Variants in MCUB observed in about 807,000 individuals in gnomAD.
MCUB encodes the protein calcium uniporter regulatory subunit MCUb, mitochondrial.
Under a neutral mutation model 41.4 loss-of-function variants are expected in MCUB, and 46 were observed. The observed-to-expected ratio is 1.11, with a 90% confidence interval of 0.88 to 1.42. MCUB has a LOEUF of 1.42. Among genes scored for constraint, MCUB ranks in the 40% most tolerant of loss-of-function variants. The probability of loss-of-function intolerance (pLI) is 0.00; values close to 1 mark genes in which losing one functional copy is unlikely to be tolerated. For synonymous variants in MCUB, 148 were observed against 148.2 expected, an observed-to-expected ratio of 1.00 and a Z score of 0.01; for missense variants, 403 against 404.9, an observed-to-expected ratio of 1.00 and a Z score of 0.04.
rs1729881416 is a variant in MCUB at position 109,687,643 on chromosome 4, A to G, written c.*51A>G. The G allele has an allele frequency of 8.2e-7, 1 of 1,214,054 alleles. No individual in the cohort carries two copies. The highest frequency in any genetic ancestry group is 1.2e-6 in the Non-Finnish European group (1 of 827,914). 75.2% of individuals were successfully genotyped at this position (1,214,054 alleles called of 1,614,324 possible). On this transcript the variant is annotated 3_prime_UTR_variant, in exon 8 of 8. Transcript: ENST00000394650. ...TTTTCCATTATGTATTGATTTTGCAACTTAGGATGTTTTTGAGTCCCATGG... is the reference window on the plus strand; with the variant it reads ...TTTTCCATTATGTATTGATTTTGCAGCTTAGGATGTTTTTGAGTCCCATGG...
rs1729906457 is a variant in MCUB at position 109,688,429 on chromosome 4, TATG to T, written c.*838_*840del. The T allele has an allele frequency of 1.3e-5, 2 of 152,208 alleles. No individual in the cohort carries two copies. Among genetic ancestry groups the T allele is most frequent in the African/African-American group, 4.8e-5 (2 of 41,460 alleles). 9.4% of individuals were successfully genotyped at this position (152,208 alleles called of 1,614,324 possible). On this transcript the variant is annotated 3_prime_UTR_variant, in exon 8 of 8. Coordinates refer to ENST00000394650, the MANE Select transcript of MCUB (RefSeq NM_017918.5). ...TGTTCAACCTATAGTGGCTAAGAAT[TATG>T]TTTTCTATTTCATCCTCAGAATGCC... is the stretch of plus-strand genomic sequence containing the variant.
rs190320311 is a variant in MCUB at position 109,573,147 on chromosome 4, A to G, written c.99+12711A>G. Among the ~76,000 whole-genome samples the G allele has an allele frequency of 2.4e-3, 366 of 152,240 alleles. 1 individual carries two copies. The highest frequency in any genetic ancestry group is 8.2e-3 in the African/African-American group (342 of 41,546). Reference sequence around the variant, plus strand: ...TGCACTTAGTAAGCACATATTAACCATTGCTTTAAGAATATTAGGAACAGA... The same window carrying G: ...TGCACTTAGTAAGCACATATTAACCGTTGCTTTAAGAATATTAGGAACAGA... On this transcript the variant is annotated intron_variant, in intron 1 of 7. Transcript: ENST00000394650.
At chr4:109,597,857 A>G (rs932922466) in intron 1 of MCUB, among the ~76,000 whole-genome samples, 1 of 149,994 alleles carries the variant, frequency 6.7e-6, no homozygotes, top group African/African-American at 2.5e-5. Context: ...TGCCAGGCAG[A>G]GGATCTCCTC....
At chr4:109,683,426 T>A (rs1417841187) in intron 5 of MCUB, among the ~76,000 whole-genome samples, 5 of 152,198 alleles carry the variant, frequency 3.3e-5, no homozygotes, top group Admixed American at 1.3e-4. Context: ...TGGTTTTTTT[T>A]ATCGTTTACC....
chr4:109,594,046 GT>G (rs1727498567), intron 1 of MCUB, among the ~76,000 whole-genome samples: 1 of 152,204 alleles, frequency 6.6e-6, no homozygotes, highest in Non-Finnish European at 1.5e-5. Flanking sequence ...GGGTTACTCA[GT>G]CTCACTAGAG....
At chr4:109,678,532 C>T (rs187732799) in intron 4 of MCUB, among the ~76,000 whole-genome samples, 1,479 of 141,694 alleles carry the variant, frequency 0.01, 28 homozygotes, top group African/African-American at 0.037. Flanking sequence ...CGGGCAGAGG[C>T]GCTCCTCACA....
chr4:109,640,603 C>G (rs1312433429), intron 1 of MCUB, among the ~76,000 whole-genome samples: 1 of 152,184 alleles, frequency 6.6e-6, no homozygotes, highest in African/African-American at 2.4e-5. Flanking sequence ...ATATACCAAC[C>G]TCTACTAGCT....
intron 4 of MCUB, among the ~76,000 whole-genome samples, chr4:109,672,322 TTCTCTGA>T (rs1729475602): frequency 6.6e-6 from 1 of 152,182 alleles, no homozygotes; most frequent in Non-Finnish European, 1.5e-5. Flanking sequence ...GAGAGTATTT[TTCTCTGA>T]TCTCTGATCT....
intron 1 of MCUB, among the ~76,000 whole-genome samples, chr4:109,623,042 T>C (rs188800294): frequency 1.7e-4 from 26 of 152,274 alleles, no homozygotes; most frequent in Middle Eastern, 3.4e-3. Flanking sequence ...AGGAAGGCAA[T>C]TACTCTTGAG....
Position 109,684,535 on chromosome 4 carries a change from G to A in MCUB, c.705G>A (p.Leu235=). 6.2e-7 allele frequency: 1 copy of A among 1,613,372 alleles called. No homozygotes were observed. The highest frequency in any genetic ancestry group is 8.5e-7 in the Non-Finnish European group (1 of 1,179,336). The change falls in exon 6 of 8, where the codon CTG becomes CTA. Residue 235 remains leucine, a synonymous_variant. Coordinates refer to ENST00000394650, the MANE Select transcript of MCUB (RefSeq NM_017918.5). ...TGCTGTCCATTCAGGGTGGGGCACT[G>A]GCCTGGCTCACGTGGTGGGTGTACT... ...LALLSIQGGA[L]AWLTWWVYSW...
Position 109,660,245 on chromosome 4 carries a change from C to T in MCUB, c.226C>T (p.Pro76Ser). ...HGLPLVTLTL[P>S]SRKERCQFVV... is the part of the protein sequence containing the mutation. ...CCTTCCCTTGGTAACACTTACCTTG[C>T]CATCTAGAAAAGAACGTTGTCAATT... Residue 76 changes from proline to serine, a missense_variant, in exon 3 of 8, where the codon CCA becomes TCA. Transcript: ENST00000394650. 1 of 1,599,932 alleles carries T rather than the reference C, an allele frequency of 6.3e-7. No individual in the cohort carries two copies.
At position 109,640,670 on chromosome 4, in the gene MCUB, A is replaced by G. The variant is rs180895819; in HGVS notation, c.100-18341A>G. ...TCTCAGACTTTACAGAATTGAAGAG[A>G]GTTAGACCTTGCTCTGGCTTAGGCT... On this transcript the variant is annotated intron_variant, in intron 1 of 7. Coordinates refer to ENST00000394650, the MANE Select transcript of MCUB (RefSeq NM_017918.5). Among the ~76,000 whole-genome samples, 5 of 152,288 alleles carry G rather than the reference A, an allele frequency of 3.3e-5. No homozygotes were observed. In the East Asian group the frequency reaches 9.7e-4, roughly 29 times the overall value.
In MCUB at chr4:109,560,253, G is replaced by C; in HGVS notation, c.-85G>C. On this transcript the variant is annotated 5_prime_UTR_variant, in exon 1 of 8. Coordinates refer to ENST00000394650, the MANE Select transcript of MCUB (RefSeq NM_017918.5). ...GGCGGGGCGGGAGCGCCCACAGCTC[G>C]GAGCCACCAGGCGCTGACGAGGAGC... 1.5e-6 allele frequency: 1 copy of C among 655,962 alleles called. No individual in the cohort carries two copies. Among genetic ancestry groups the C allele is most frequent in the South Asian group, 7.4e-5 (1 of 13,486 alleles). The allele number at this position is 655,962 out of a possible 1,614,324, so 40.6% of individuals were successfully genotyped here.
chr4:109,587,921 T>C (rs1000208221), intron 1 of MCUB, among the ~76,000 whole-genome samples: 3 of 152,248 alleles, frequency 2.0e-5, no homozygotes, highest in African/African-American at 4.8e-5. Flanking sequence ...GAAAACTTGA[T>C]AGCTATTTCA....
intron 1 of MCUB, among the ~76,000 whole-genome samples, chr4:109,612,254 C>A (rs1004982823): frequency 6.9e-6 from 1 of 143,894 alleles, no homozygotes; most frequent in Non-Finnish European, 1.5e-5. Context: ...TCTTCCTCCT[C>A]CTCCTTTTCT....
intron 4 of MCUB, among the ~76,000 whole-genome samples, chr4:109,681,159 G>A (rs2126151599): frequency 6.6e-6 from 1 of 152,286 alleles, no homozygotes; most frequent in East Asian, 1.9e-4. Flanking sequence ...TAGACACATG[G>A]GAGGTATCCA....
intron 1 of MCUB, among the ~76,000 whole-genome samples, chr4:109,601,994 C>T (rs1160534696): frequency 6.6e-6 from 1 of 152,114 alleles, no homozygotes; most frequent in Admixed American, 6.5e-5. Flanking sequence ...TGTTGATGGA[C>T]ATTTGCCATT....
At chr4:109,628,827 A>T (rs1291483766) in intron 1 of MCUB, among the ~76,000 whole-genome samples, 1 of 152,212 alleles carries the variant, frequency 6.6e-6, no homozygotes, top group Non-Finnish European at 1.5e-5. Flanking sequence ...GGCCCTGCAG[A>T]TAGAGCCAGG....
At chr4:109,579,255 C>T (rs1222966353) in intron 1 of MCUB, among the ~76,000 whole-genome samples, 4 of 147,330 alleles carry the variant, frequency 2.7e-5, no homozygotes, top group Admixed American at 6.7e-5. Flanking sequence ...TTAAACCTCA[C>T]TTTTTTTTTT....
Sources: allele counts gnomAD v4.1 joint callset (sites outside exome capture counted in the v4.1 genomes callset), GRCh38; gene constraint gnomAD v4.1.1; transcripts MANE v1.5; gene names NCBI Gene and HGNC (gene_info 2026-07-23, HGNC 2026-07-21).